The following KCNJ4 variants were observed in gnomAD, a reference collection of about 807,000 sequenced individuals.
KCNJ4 encodes inward rectifier potassium channel 4.
KCNJ4 carries 3 observed loss-of-function variants against 25.6 expected under a neutral mutation model. That is an observed-to-expected ratio of 0.12 (90% CI 0.05 to 0.30). The LOEUF (loss-of-function observed/expected upper bound fraction) is 0.30. KCNJ4 is among the 10% of genes least tolerant of loss of function. KCNJ4 has a pLI of 1.00. For missense variants in KCNJ4, 286 were observed against 666.8 expected, an observed-to-expected ratio of 0.43 and a Z score of 6.29; for synonymous variants, 257 against 283.9, an observed-to-expected ratio of 0.91 and a Z score of 0.95.
intron 1 of KCNJ4, among the ~76,000 whole-genome samples, chr22:38,436,346 T>C (rs1287782805): frequency 6.6e-6 from 1 of 152,192 alleles, no homozygotes; most frequent in Non-Finnish European, 1.5e-5. Flanking sequence ...CACAGGGCCC[T>C]GCCCAGTTTG....
chr22:38,454,762 G>T (rs919379757), intron 1 of KCNJ4, among the ~76,000 whole-genome samples: 1 of 152,030 alleles, frequency 6.6e-6, no homozygotes, highest in Non-Finnish European at 1.5e-5. Context: ...AACCCAGACC[G>T]CGACGCTCCC....
intron 1 of KCNJ4, among the ~76,000 whole-genome samples, chr22:38,433,124 C>T (rs1487105297): frequency 6.6e-6 from 1 of 152,054 alleles, no homozygotes; most frequent in Non-Finnish European, 1.5e-5. Flanking sequence ...AATGCTACAC[C>T]AGTTACCAGA....
intron 1 of KCNJ4, 120 bp from the exon 2 acceptor site, chr22:38,428,291 C>T: frequency 1.1e-6 from 1 of 941,930 alleles, no homozygotes; most frequent in Non-Finnish European, 1.6e-6. Flanking sequence ...CTAAGACTTC[C>T]TCTGCCCCGG....
chr22:38,436,556 C>T (rs909530845), intron 1 of KCNJ4, among the ~76,000 whole-genome samples: 1 of 152,178 alleles, frequency 6.6e-6, no homozygotes, highest in African/African-American at 2.4e-5. Context: ...CCCAAAAGCG[C>T]ATGCCACATG....
chr22:38,438,703 A>AAAAG lies in KCNJ4; in HGVS notation c.-39-10536_-39-10533dup, dbSNP rs35066342. ...AGTCCTTCTGAAAAAAAAAAAGAAA[A>AAAAG]AAAGAAAGAAAGAAAGAAAGAAAGA... is the stretch of plus-strand genomic sequence containing the variant. On this transcript the variant is annotated intron_variant, in intron 1 of 1. Transcript: ENST00000303592. Among the ~76,000 whole-genome samples the AAAAG allele has an allele frequency of 7.9e-4, 117 of 148,818 alleles. 1 individual carries two copies. The highest frequency in any genetic ancestry group is 1.2e-3 in the Admixed American group (18 of 14,956).
intron 1 of KCNJ4, among the ~76,000 whole-genome samples, chr22:38,439,432 A>C (rs965391731): frequency 5.9e-5 from 9 of 152,120 alleles, no homozygotes; most frequent in African/African-American, 2.2e-4. Context: ...ACTCCGTCTC[A>C]AATAAATAAA....
At chr22:38,431,047 G>A (rs1164159997) in intron 1 of KCNJ4, among the ~76,000 whole-genome samples, 4 of 152,246 alleles carry the variant, frequency 2.6e-5, no homozygotes, top group Non-Finnish European at 5.9e-5. Flanking sequence ...ACCATCCACA[G>A]GTGTGCAGGA....
chr22:38,428,084 G>A lies in KCNJ4; in HGVS notation c.49C>T (p.Arg17Cys). The A allele has an allele frequency of 1.2e-6, 2 of 1,613,712 alleles. No individual in the cohort carries two copies. Reference sequence around the variant, plus strand: ...TTCTTCTTGACGAAGCGGTTGCGGCGCTTCCGCCGGGGCACGTGGGCCTGG... The same window carrying A: ...TTCTTCTTGACGAAGCGGTTGCGGCACTTCCGCCGGGGCACGTGGGCCTGG... Reference protein sequence around the residue: ...NGQAHVPRRKRRNRFVKKNGQ... With the variant: ...NGQAHVPRRKCRNRFVKKNGQ... Residue 17 changes from arginine (R) to cysteine (C), a missense_variant, in exon 2 of 2, where the codon CGC becomes TGC. By Grantham distance (180) the Arg-to-Cys change is radical. This residue lies in a region of KCNJ4 where 32 missense variants were observed against 38.4 expected (regional missense o/e 0.83). Transcript: ENST00000303592.
At position 38,443,480 on chromosome 22, in the gene KCNJ4, C is replaced by A. The variant is rs9607537; in HGVS notation, c.-40+11500G>T. Among the ~76,000 whole-genome samples, 47,476 of 152,096 alleles carry A rather than the reference C, an allele frequency of 0.31. 7,996 individuals carry two copies. The highest frequency in any genetic ancestry group is 0.42 in the East Asian group (2,189 of 5,166). On this transcript the variant is annotated intron_variant, in intron 1 of 1. Transcript: ENST00000303592. The surrounding 1 kb of genome is among the most constrained non-coding windows in gnomAD (Gnocchi z 4.1). Reference sequence around the variant, plus strand: ...CCCGTCCTCCCCTCTCCTGCCTTCCCCATCTCAGTCTGTGACTCCTCCCAG... The same window carrying A: ...CCCGTCCTCCCCTCTCCTGCCTTCCACATCTCAGTCTGTGACTCCTCCCAG...
chr22:38,450,112 G>T (rs1165085302), intron 1 of KCNJ4, among the ~76,000 whole-genome samples: 1 of 152,206 alleles, frequency 6.6e-6, no homozygotes, highest in Non-Finnish European at 1.5e-5. Context: ...CCCACGTAGC[G>T]AGGGGAAGAG....
chr22:38,452,148 C>G (rs1414488636), intron 1 of KCNJ4, among the ~76,000 whole-genome samples: 1 of 152,216 alleles, frequency 6.6e-6, no homozygotes, highest in Non-Finnish European at 1.5e-5. Context: ...AGGGCTCCCT[C>G]CTCTGGGCCC....
At chr22:38,429,877 T>G (rs546027182) in intron 1 of KCNJ4, among the ~76,000 whole-genome samples, 3 of 152,352 alleles carry the variant, frequency 2.0e-5, no homozygotes, top group Admixed American at 2.0e-4. Context: ...CTTCCTGATC[T>G]AATTGTGCAT....
At chr22:38,444,792 A>C (rs2089361904) in intron 1 of KCNJ4, among the ~76,000 whole-genome samples, 1 of 151,884 alleles carries the variant, frequency 6.6e-6, no homozygotes, top group Non-Finnish European at 1.5e-5. Flanking sequence ...CCACCTTCCC[A>C]CTGGCTCCTC....
rs2089353839 is a variant in KCNJ4, at chr22:38,443,708, C to A, written c.-40+11272G>T. On this transcript the variant is annotated intron_variant, in intron 1 of 1. Transcript: ENST00000303592. This position sits in a 1 kb window ranked among gnomAD's most constrained non-coding sequence, Gnocchi z 4.1. Reference sequence around the variant, plus strand: ...GCCCAAAGCGGGTGAACCTCGGGGCCCCGGACACGTCCCCTCACCTAGTCA... The same window carrying A: ...GCCCAAAGCGGGTGAACCTCGGGGCACCGGACACGTCCCCTCACCTAGTCA... Among the ~76,000 whole-genome samples, 1 of 152,174 alleles carries A rather than the reference C, an allele frequency of 6.6e-6. No individual in the cohort carries two copies. Among genetic ancestry groups the A allele is most frequent in the East Asian group, 1.9e-4 (1 of 5,194 alleles).
At chr22:38,431,084 G>A (rs868486828) in intron 1 of KCNJ4, among the ~76,000 whole-genome samples, 1 of 152,198 alleles carries the variant, frequency 6.6e-6, no homozygotes, top group African/African-American at 2.4e-5. Context: ...AGGGTGTGGC[G>A]GCCCAGGCCT....
chr22:38,431,101 G>A (rs942996540), intron 1 of KCNJ4, among the ~76,000 whole-genome samples: 4 of 152,222 alleles, frequency 2.6e-5, no homozygotes, highest in Non-Finnish European at 4.4e-5. Context: ...GCCTTCAACG[G>A]GTGAGGTCAC....
At chr22:38,440,101 A>C (rs2089322538) in intron 1 of KCNJ4, among the ~76,000 whole-genome samples, 1 of 150,984 alleles carries the variant, frequency 6.6e-6, no homozygotes, top group African/African-American at 2.4e-5. Flanking sequence ...TCGTCTCAAA[A>C]AAAAAAAAAA....
chr22:38,453,024 C>T (rs1305598570), intron 1 of KCNJ4, among the ~76,000 whole-genome samples: 1 of 142,104 alleles, frequency 7.0e-6, no homozygotes, highest in Non-Finnish European at 1.5e-5. Flanking sequence ...CCCCCCTTAG[C>T]ACTCGCCCCC....
At chr22:38,440,598 C>T (rs536298949) in intron 1 of KCNJ4, among the ~76,000 whole-genome samples, 2 of 152,332 alleles carry the variant, frequency 1.3e-5, no homozygotes, top group Non-Finnish European at 2.9e-5. Flanking sequence ...ATCCCAGTGG[C>T]ACCCTGGCCC....
Sources: gnomAD v4.1 joint callset for allele counts (sites outside exome capture counted in the v4.1 genomes callset) on GRCh38, gnomAD v4.1.1 for gene constraint, gnomAD v4.1.1 regional missense constraint, Gnocchi (gnomAD v3.1) non-coding constraint, MANE v1.5 for transcripts, NCBI Gene and HGNC (gene_info 2026-07-23, HGNC 2026-07-21) for gene names.